PHF20: variants seen among roughly 807,000 people sequenced by gnomAD.
PHF20 encodes the protein glioma-expressed antigen 2.
PHF20 carries 23 observed loss-of-function variants against 113.5 expected under a neutral mutation model. The ratio of observed to expected loss-of-function variants is 0.20; its 90% CI spans 0.15 to 0.29. PHF20 has a LOEUF of 0.29. PHF20 is among the 10% of genes least tolerant of loss of function. The probability of loss-of-function intolerance (pLI) is 1.00; values close to 1 mark genes in which losing one functional copy is unlikely to be tolerated. For synonymous variants in PHF20, 434 were observed against 457.3 expected, an observed-to-expected ratio of 0.95 and a Z score of 0.65; for missense variants, 943 against 1,219.6, an observed-to-expected ratio of 0.77 and a Z score of 3.38.
In PHF20 at chr20:35,875,910, C is replaced by G. The variant is rs950358229; in HGVS notation, c.1282+4081C>G. ...ATGGGGTCTTGGGCTATACTTTTTC[C>G]CAAAATATACACATACATAATTTCT... On this transcript the variant is annotated intron_variant, in intron 9 of 17. Transcript: ENST00000374012. Among the ~76,000 whole-genome samples, 3 of 152,104 alleles carry G rather than the reference C, an allele frequency of 2.0e-5. No individual in the cohort carries two copies. The East Asian group carries it at 5.8e-4, about 29-fold the overall frequency.
intron 9 of PHF20, among the ~76,000 whole-genome samples, chr20:35,880,274 A>AGGCAAAGCAGCT (rs1399087134): frequency 6.6e-6 from 1 of 152,150 alleles, no homozygotes. Flanking sequence ...TTGAAAATGG[A>AGGCAAAGCAGCT]GGCAAAGCAG....
chr20:35,789,422 C>G (rs111405980), intron 1 of PHF20, among the ~76,000 whole-genome samples: 1 of 145,118 alleles, frequency 6.9e-6, no homozygotes, highest in Non-Finnish European at 1.5e-5. Flanking sequence ...CAGTGCAAGA[C>G]TCCATCAAAA....
intron 4 of PHF20, among the ~76,000 whole-genome samples, chr20:35,857,573 T>TTTG (rs2042857642): frequency 7.8e-6 from 1 of 128,628 alleles, no homozygotes; most frequent in African/African-American, 3.6e-5. Context: ...TTTTTTTTTT[T>TTTG]TTTTTTTTTT....
At chr20:35,773,988 G>C (rs1490453417) in intron 1 of PHF20, among the ~76,000 whole-genome samples, 2 of 151,654 alleles carry the variant, frequency 1.3e-5, no homozygotes, top group Admixed American at 6.6e-5. Context: ...AAAAGATGTC[G>C]TTTGGAGGAA....
chr20:35,786,431 C>T (rs2041417453), intron 1 of PHF20, among the ~76,000 whole-genome samples: 1 of 146,580 alleles, frequency 6.8e-6, no homozygotes, highest in Non-Finnish European at 1.5e-5. Flanking sequence ...AGGCTGTGAG[C>T]AGTGGCTCAT....
At chr20:35,891,512 A>C (rs747507130) in intron 9 of PHF20, among the ~76,000 whole-genome samples, 5 of 152,208 alleles carry the variant, frequency 3.3e-5, no homozygotes, top group Non-Finnish European at 7.3e-5. Context: ...TCTTCGAGGC[A>C]GGACAGAATC....
At chr20:35,945,802 C>T (rs190765136) in intron 17 of PHF20, among the ~76,000 whole-genome samples, 36 of 152,188 alleles carry the variant, frequency 2.4e-4, no homozygotes, top group African/African-American at 8.0e-4. Flanking sequence ...TACTTGTTCT[C>T]ACAAGCAAGA....
At position 35,914,212 on chromosome 20, in the gene PHF20, C is replaced by T. The variant is rs1470443076; in HGVS notation, c.1825+15C>T. On this transcript the variant is annotated intron_variant, in intron 12 of 17. Transcript: ENST00000374012. ...GAAAGCATTGGGTAAGGAGGCTCTTCTGTCCTGATCATTTGCTGATCATTT... is the reference window on the plus strand; with the variant it reads ...GAAAGCATTGGGTAAGGAGGCTCTTTTGTCCTGATCATTTGCTGATCATTT... 2.5e-6 allele frequency: 4 copies of T among 1,606,240 alleles called. No individual in the cohort carries two copies. In the Admixed American group the frequency reaches 5.0e-5, roughly 20 times the overall value.
chr20:35,781,330 G>GA (rs773472080), intron 1 of PHF20, among the ~76,000 whole-genome samples: 1 of 151,090 alleles, frequency 6.6e-6, no homozygotes, highest in Non-Finnish European at 1.5e-5. Flanking sequence ...TTTTGATAGA[G>GA]ACGGGTTTCA....
rs143717422 is a variant in PHF20, at chr20:35,866,213, A to C, written c.808+2813A>C. Among the ~76,000 whole-genome samples, 12 of 152,316 alleles carry C rather than the reference A, an allele frequency of 7.9e-5. No individual in the cohort carries two copies. The East Asian group carries it at 2.1e-3, about 27-fold the overall frequency. ...TGACAGAGCGAGACTCCATCTCAAA[A>C]AAACAAAAAATAATAAAATAAAATA... On this transcript the variant is annotated intron_variant, in intron 6 of 17. Coordinates refer to ENST00000374012, the MANE Select transcript of PHF20 (RefSeq NM_016436.5).
In PHF20 at chr20:35,880,975, T is replaced by A. The variant is rs532834404; in HGVS notation, c.1282+9146T>A. On this transcript the variant is annotated intron_variant, in intron 9 of 17. Coordinates refer to ENST00000374012, the MANE Select transcript of PHF20 (RefSeq NM_016436.5). ...ACTCTGTCTCAAAGAAAACAAAAAT[T>A]AAAAATTTTTTTTTAGAAAGTACTT... is the stretch of plus-strand genomic sequence containing the variant. 1.3e-4 allele frequency among the ~76,000 whole-genome samples: 19 copies of A among 151,304 alleles called. No homozygotes were observed. In the South Asian group the frequency reaches 2.1e-3, roughly 17 times the overall value.
At chr20:35,778,282 A>C (rs2041215712) in intron 1 of PHF20, among the ~76,000 whole-genome samples, 1 of 152,136 alleles carries the variant, frequency 6.6e-6, no homozygotes. Context: ...ACAAGGTTTC[A>C]CTATGTTGGT....
At chr20:35,874,784 T>A (rs2146997979) in intron 9 of PHF20, among the ~76,000 whole-genome samples, 1 of 151,982 alleles carries the variant, frequency 6.6e-6, no homozygotes, top group Admixed American at 6.6e-5. Flanking sequence ...GGCCAGATGC[T>A]ATATAGTTAA....
chr20:35,792,570 CCTTCCCTACCTT>C (rs2041579141), intron 1 of PHF20, among the ~76,000 whole-genome samples: 1 of 152,068 alleles, frequency 6.6e-6, no homozygotes, highest in South Asian at 2.1e-4. Context: ...TTTCCTCCCT[CCTTCCCTACCTT>C]GTCAAGTAAA....
chr20:35,889,902 A>G (rs945823096), intron 9 of PHF20, among the ~76,000 whole-genome samples: 1 of 150,226 alleles, frequency 6.7e-6, no homozygotes, highest in Non-Finnish European at 1.5e-5. Flanking sequence ...TAATTTTTGT[A>G]TTTTTTGGTA....
chr20:35,941,089 C>T (rs759050210), intron 17 of PHF20, 42 bp downstream of exon 17: 3 of 1,544,100 alleles, frequency 1.9e-6, no homozygotes, highest in Non-Finnish European at 1.8e-6. Flanking sequence ...GGCATGCAGT[C>T]GAGCACCCCC....
chr20:35,850,296 GTTTTTTTTTTTTTTT>G (rs554100863), intron 4 of PHF20, among the ~76,000 whole-genome samples: 50 of 62,356 alleles, frequency 8.0e-4, no homozygotes, highest in African/African-American at 1.2e-3. Context: ...TTCCCCCTCC[GTTTTTTTTTTTTTTT>G]TTTTTTTTTT....
At chr20:35,915,519 T>C (rs1193952181) in intron 12 of PHF20, among the ~76,000 whole-genome samples, 1 of 151,946 alleles carries the variant, frequency 6.6e-6, no homozygotes, top group Non-Finnish European at 1.5e-5. Context: ...CCCAAGTTGC[T>C]GGGATTACAG....
chr20:35,891,803 G>T (rs894809696), intron 9 of PHF20, among the ~76,000 whole-genome samples: 3 of 151,962 alleles, frequency 2.0e-5, no homozygotes, highest in Admixed American at 6.6e-5. Flanking sequence ...CACGAGAAAG[G>T]GACGATTGCT....
Sources: gnomAD v4.1 joint callset for allele counts (sites outside exome capture counted in the v4.1 genomes callset) on GRCh38, gnomAD v4.1.1 for gene constraint, MANE v1.5 for transcripts, NCBI Gene and HGNC (gene_info 2026-07-23, HGNC 2026-07-21) for gene names.